Variants in REXO5 observed in about 807,000 individuals in gnomAD.
REXO5 encodes RNA exonuclease 5.
REXO5 carries 48 observed loss-of-function variants against 88.5 expected under a neutral mutation model. The ratio of observed to expected loss-of-function variants is 0.54; its 90% CI spans 0.43 to 0.69. REXO5 has a LOEUF of 0.69. Ranked by LOEUF, REXO5 falls within the 30% of genes least tolerant of loss-of-function variation. The pLI is 0.00. For missense variants in REXO5, 749 were observed against 912.2 expected, an observed-to-expected ratio of 0.82 and a Z score of 2.30; for synonymous variants, 311 against 336.5, an observed-to-expected ratio of 0.92 and a Z score of 0.83.
chr16:20,842,271 C>T (rs1014635703), intron 15 of REXO5, among the ~76,000 whole-genome samples: 2 of 151,198 alleles, frequency 1.3e-5, no homozygotes, highest in African/African-American at 4.9e-5. Flanking sequence ...TGTGTACGTA[C>T]CTCACATAAG....
rs1211891058 is a variant in REXO5 at position 20,824,371 on chromosome 16, C to T, written c.617-68C>T. 9.2e-6 allele frequency: 8 copies of T among 869,838 alleles called. No homozygotes were observed. The East Asian group carries it at 2.0e-4, about 22-fold the overall frequency. The allele number at this position is 869,838 out of a possible 1,614,324, so 53.9% of individuals were successfully genotyped here. A position where few individuals can be genotyped will look rare whatever the true frequency, so the allele number is the denominator to read the frequency against. On this transcript the variant is annotated intron_variant, in intron 6 of 19. Transcript: ENST00000261377. ...ATATCTAGTATTGTAGTTTTACCTGCTTGAATCTAAGAGTGATGTTTACCA... is the reference window on the plus strand; with the variant it reads ...ATATCTAGTATTGTAGTTTTACCTGTTTGAATCTAAGAGTGATGTTTACCA...
At chr16:20,835,102 A>C (rs1249920049) in intron 13 of REXO5, among the ~76,000 whole-genome samples, 1 of 152,148 alleles carries the variant, frequency 6.6e-6, no homozygotes, top group Non-Finnish European at 1.5e-5. Flanking sequence ...GATGTGGTAA[A>C]GTTACTTGGA....
At chr16:20,844,177 A>G (rs868751074) in intron 16 of REXO5, 151 bp downstream of exon 16, 3 of 594,636 alleles carry the variant, frequency 5.0e-6, no homozygotes, top group Non-Finnish European at 6.0e-6. Flanking sequence ...ACATTCTCCT[A>G]CTGGCAGTGA....
chr16:20,818,361 T>A (rs1022292061), intron 5 of REXO5, among the ~76,000 whole-genome samples: 4 of 152,240 alleles, frequency 2.6e-5, no homozygotes, highest in African/African-American at 9.6e-5. Context: ...TTATAAATAT[T>A]TAAATATTTT....
intron 2 of REXO5, among the ~76,000 whole-genome samples, chr16:20,812,968 G>A (rs1458340521): frequency 2.6e-5 from 4 of 152,168 alleles, no homozygotes; most frequent in South Asian, 4.1e-4. Context: ...ATGTAACCAA[G>A]TATCTATAAT....
chr16:20,817,142 G>A (rs1157965666), intron 5 of REXO5, among the ~76,000 whole-genome samples: 1 of 152,122 alleles, frequency 6.6e-6, no homozygotes, highest in East Asian at 1.9e-4. Flanking sequence ...TTGCACTGAG[G>A]GAACATGAAA....
chr16:20,814,217 A>G (rs2081047492), intron 3 of REXO5, among the ~76,000 whole-genome samples: 2 of 152,168 alleles, frequency 1.3e-5, no homozygotes, highest in Non-Finnish European at 2.9e-5. Flanking sequence ...TCTTATTTAC[A>G]AAAATGGGTG....
chr16:20,825,197 C>G (rs989298226), intron 7 of REXO5, among the ~76,000 whole-genome samples: 1 of 152,084 alleles, frequency 6.6e-6, no homozygotes, highest in Non-Finnish European at 1.5e-5. Flanking sequence ...CTTAAGTTCC[C>G]CTCGTGCTTT....
chr16:20,820,512 T>TAATATATATATATATATA (rs2081153446), intron 5 of REXO5, among the ~76,000 whole-genome samples: 1 of 45,700 alleles, frequency 2.2e-5, no homozygotes, highest in Non-Finnish European at 3.5e-5. Context: ...TTCTCTCTCT[T>TAATATATATATATATATA]TATATATATA....
intron 11 of REXO5, 144 bp downstream of exon 11, chr16:20,828,681 C>A: frequency 1.7e-6 from 1 of 595,410 alleles, no homozygotes; most frequent in Admixed American, 2.4e-5. Flanking sequence ...GTAATCCCAG[C>A]ACTTTGGGAG....
chr16:20,822,098 A>G (rs1469824124), intron 6 of REXO5, among the ~76,000 whole-genome samples, 196 bp downstream of exon 6: 1 of 152,206 alleles, frequency 6.6e-6, no homozygotes, highest in Non-Finnish European at 1.5e-5. Flanking sequence ...TGGCAAAGTG[A>G]TGATTTTAGG....
At chr16:20,830,990 G>GCTTTTT in intron 11 of REXO5, among the ~76,000 whole-genome samples, 1 of 97,076 alleles carries the variant, frequency 1.0e-5, no homozygotes, top group South Asian at 3.7e-4. Context: ...TTCTTTTTCT[G>GCTTTTT]TTTTTTTTTT....
In REXO5 at chr16:20,839,598, G is replaced by A. The variant is rs554818489; in HGVS notation, c.1384-157G>A. ...CTGTGGTTCTTTGGGGAAGGTGTGTGGTTTCACCATTTTCCTGCAGACCTG... is the reference window on the plus strand; with the variant it reads ...CTGTGGTTCTTTGGGGAAGGTGTGTAGTTTCACCATTTTCCTGCAGACCTG... On this transcript the variant is annotated intron_variant, in intron 13 of 19. Coordinates refer to ENST00000261377, the MANE Select transcript of REXO5 (RefSeq NM_030941.3). Among the ~76,000 whole-genome samples the A allele has an allele frequency of 3.9e-5, 6 of 151,966 alleles. No individual in the cohort carries two copies. In the East Asian group the frequency reaches 1.2e-3, roughly 29 times the overall value.
Position 20,806,624 on chromosome 16 carries a change from G to C in REXO5, c.-84G>C, listed in dbSNP as rs1306023187. The C allele has an allele frequency of 1.0e-5, 14 of 1,351,214 alleles. No individual in the cohort carries two copies. In the East Asian group the frequency reaches 3.6e-4, roughly 35 times the overall value. 83.7% of individuals were successfully genotyped at this position (1,351,214 alleles called of 1,614,324 possible). ...CTAGGGGGCGTGGGGAGTGGTTTTA[G>C]GCGGCGAAGCCGCTCGGCAGCACCT... On this transcript the variant is annotated 5_prime_UTR_variant, in exon 1 of 20. Coordinates refer to ENST00000261377, the MANE Select transcript of REXO5 (RefSeq NM_030941.3).
chr16:20,832,334 GTTT>G, intron 12 of REXO5, 75 bp downstream of exon 12: 1 of 902,516 alleles, frequency 1.1e-6, no homozygotes, highest in Non-Finnish European at 1.7e-6. Context: ...ACCTGAGAAT[GTTT>G]TTATCCTCTT....
At chr16:20,840,076 T>A (rs928154622) in intron 14 of REXO5, 33 of 541,812 alleles carry the variant, frequency 6.1e-5, no homozygotes, top group Non-Finnish European at 8.4e-5. Context: ...ATATCATACA[T>A]CTTTCTGTAT....
At chr16:20,827,617 G>GT (rs2081279233) in intron 10 of REXO5, among the ~76,000 whole-genome samples, 170 bp downstream of exon 10, 1 of 152,108 alleles carries the variant, frequency 6.6e-6, no homozygotes, top group African/African-American at 2.4e-5. Flanking sequence ...AGAGACAGGG[G>GT]TTTACATTCA....
In REXO5 at chr16:20,815,316, T is replaced by G. The variant is rs75867601; in HGVS notation, c.378+263T>G. Among the ~76,000 whole-genome samples, 121 of 152,302 alleles carry G rather than the reference T, an allele frequency of 7.9e-4. 2 individuals are homozygous for G. In the East Asian group the frequency reaches 0.023, roughly 29 times the overall value. On this transcript the variant is annotated intron_variant, in intron 4 of 19. Coordinates refer to ENST00000261377, the MANE Select transcript of REXO5 (RefSeq NM_030941.3). ...TTTGGGCTATGGTGTTTTCAGAAATTGTAAAATATAATACAAGCTGAGTTT... is the reference window on the plus strand; with the variant it reads ...TTTGGGCTATGGTGTTTTCAGAAATGGTAAAATATAATACAAGCTGAGTTT...
intron 16 of REXO5, 118 bp from the exon 17 acceptor site, chr16:20,844,511 G>A (rs932739916): frequency 8.9e-5 from 72 of 805,054 alleles, no homozygotes; most frequent in African/African-American, 7.4e-4. Context: ...GAAAAGAAAC[G>A]GAAAATTTTA....
Sources: allele counts gnomAD v4.1 joint callset (sites outside exome capture counted in the v4.1 genomes callset), GRCh38; gene constraint gnomAD v4.1.1; transcripts MANE v1.5; gene names NCBI Gene and HGNC (gene_info 2026-07-23, HGNC 2026-07-21).